The following SLC44A5 variants were observed in gnomAD, a reference collection of about 807,000 sequenced individuals.
SLC44A5 encodes the protein solute carrier family 44 member 5, also known as choline transporter-like protein 5.
SLC44A5 carries 57 observed loss-of-function variants against 101.8 expected under a neutral mutation model. The observed-to-expected ratio is 0.56, with a 90% CI of 0.45 to 0.70. The LOEUF is 0.70. SLC44A5 is among the 30% of genes least tolerant of loss of function. The probability of loss-of-function intolerance (pLI) is 0.00; values close to 1 mark genes in which losing one functional copy is unlikely to be tolerated. For missense variants in SLC44A5, 737 were observed against 853.1 expected, an observed-to-expected ratio of 0.86 and a Z score of 1.70; for synonymous variants, 281 against 290.9, an observed-to-expected ratio of 0.97 and a Z score of 0.35.
chr1:75,562,002 G>C (rs1570618293), intron 1 of SLC44A5, among the ~76,000 whole-genome samples: 1 of 151,968 alleles, frequency 6.6e-6, no homozygotes, highest in South Asian at 2.1e-4. Flanking sequence ...ATTGGGTTCT[G>C]GGCTTAATAC....
At chr1:75,507,206 T>C (rs1227189369) in intron 2 of SLC44A5, among the ~76,000 whole-genome samples, 1 of 152,162 alleles carries the variant, frequency 6.6e-6, no homozygotes, top group African/African-American at 2.4e-5. Context: ...GTGCTAATTA[T>C]TTTGAGATAC....
chr1:75,455,449 G>C (rs1486829246), intron 2 of SLC44A5, among the ~76,000 whole-genome samples: 1 of 152,006 alleles, frequency 6.6e-6, no homozygotes, highest in Non-Finnish European at 1.5e-5. Context: ...CTGGACATTG[G>C]CCTTGAGATA....
intron 6 of SLC44A5, among the ~76,000 whole-genome samples, chr1:75,257,606 T>C (rs1650122209): frequency 6.6e-6 from 1 of 152,112 alleles, no homozygotes; most frequent in Admixed American, 6.5e-5. Context: ...CCTGCAATTC[T>C]AGCCATGGGT....
At chr1:75,615,567 AACAGATAGAT>A (rs369072100), upstream of SLC44A5, among the ~76,000 whole-genome samples, 177 of 151,986 alleles carry the variant, frequency 1.2e-3, 1 homozygote, top group African/African-American at 4.0e-3. Flanking sequence ...TAGGAGGTGC[AACAGATAGAT>A]ACCCAAGCTC....
At chr1:75,260,391 C>T (rs1650388597) in intron 6 of SLC44A5, among the ~76,000 whole-genome samples, 1 of 152,042 alleles carries the variant, frequency 6.6e-6, no homozygotes, top group Non-Finnish European at 1.5e-5. Context: ...TCTGATAAAA[C>T]AGACTTTAAA....
chr1:75,641,240 T>G, the SLC44A5 span: 1 of 413,842 alleles, frequency 2.4e-6, no homozygotes, highest in South Asian at 4.2e-5. Flanking sequence ...TTTGTCTCCA[T>G]CATAATCTTA....
chr1:75,333,719 T>C (rs549927103), intron 4 of SLC44A5, among the ~76,000 whole-genome samples: 2 of 152,326 alleles, frequency 1.3e-5, no homozygotes, highest in South Asian at 2.1e-4. Context: ...GTGAAATTAA[T>C]AGTTATTGAT....
chr1:75,282,870 T>G (rs140886699), intron 5 of SLC44A5, among the ~76,000 whole-genome samples: 158 of 152,304 alleles, frequency 1.0e-3, no homozygotes, highest in African/African-American at 3.6e-3. Flanking sequence ...CACTTCCCTT[T>G]ATAAATTACC....
At chr1:75,345,493 C>T (rs79116253) in intron 3 of SLC44A5, among the ~76,000 whole-genome samples, 2,649 of 152,182 alleles carry the variant, frequency 0.017, 55 homozygotes, top group African/African-American at 0.049. Flanking sequence ...ATGTAAATTA[C>T]CCACATAACT....
chr1:75,649,359 C>CTATCTATA, the SLC44A5 span, among the ~76,000 whole-genome samples: 1 of 152,054 alleles, frequency 6.6e-6, no homozygotes, highest in Non-Finnish European at 1.5e-5. Flanking sequence ...CTATTTATTA[C>CTATCTATA]TTAAAATAAA....
At chr1:75,531,084 T>C (rs560170164) in intron 2 of SLC44A5, among the ~76,000 whole-genome samples, 1 of 152,252 alleles carries the variant, frequency 6.6e-6, no homozygotes, top group Admixed American at 6.5e-5. Context: ...GACAATAACA[T>C]GGGAAGATGC....
the SLC44A5 span, among the ~76,000 whole-genome samples, chr1:75,663,740 C>T: frequency 2.0e-5 from 3 of 152,158 alleles, no homozygotes; most frequent in African/African-American, 7.2e-5. Context: ...ACCAATTCTA[C>T]TGAAACTATT....
At chr1:75,405,392 A>G (rs1394977144) in intron 2 of SLC44A5, among the ~76,000 whole-genome samples, 1 of 152,218 alleles carries the variant, frequency 6.6e-6, no homozygotes, top group Non-Finnish European at 1.5e-5. Flanking sequence ...CCCCAAATCA[A>G]CAGAATATAC....
At chr1:75,268,058 T>G (rs2100719623) in intron 6 of SLC44A5, among the ~76,000 whole-genome samples, 1 of 152,320 alleles carries the variant, frequency 6.6e-6, no homozygotes, top group East Asian at 1.9e-4. Context: ...CCAAATACTT[T>G]ATCAGAGTCC....
intron 2 of SLC44A5, among the ~76,000 whole-genome samples, chr1:75,517,765 C>T (rs142992196): frequency 3.3e-5 from 5 of 152,184 alleles, no homozygotes; most frequent in Admixed American, 6.5e-5. Flanking sequence ...TGAACATCAA[C>T]GATTCTATCA....
At chr1:75,336,215 G>T (rs1657431001) in intron 4 of SLC44A5, among the ~76,000 whole-genome samples, 1 of 152,016 alleles carries the variant, frequency 6.6e-6, no homozygotes, top group Non-Finnish European at 1.5e-5. Flanking sequence ...GAGTGCAGTG[G>T]CATGATCTCA....
intron 2 of SLC44A5, among the ~76,000 whole-genome samples, chr1:75,398,010 A>T (rs1367148409): frequency 2.6e-5 from 4 of 152,128 alleles, no homozygotes; most frequent in Non-Finnish European, 5.9e-5. Flanking sequence ...AAAATATAAA[A>T]TGGCCATCCC....
At chr1:75,632,947 G>T in the SLC44A5 span, among the ~76,000 whole-genome samples, 3 of 152,104 alleles carry the variant, frequency 2.0e-5, no homozygotes, top group African/African-American at 7.2e-5. Flanking sequence ...ATTATTTGGT[G>T]GTGCTGGTAG....
the SLC44A5 span, among the ~76,000 whole-genome samples, chr1:75,714,426 G>A: frequency 7.7e-4 from 117 of 152,160 alleles, no homozygotes; most frequent in South Asian, 6.4e-3. Flanking sequence ...ACACCATACT[G>A]AAGAGACAAG....
Sources: allele counts gnomAD v4.1 joint callset (sites outside exome capture counted in the v4.1 genomes callset), GRCh38; gene constraint gnomAD v4.1.1; transcripts MANE v1.5; gene names NCBI Gene and HGNC (gene_info 2026-07-23, HGNC 2026-07-21).